CNGB3: variants seen among roughly 807,000 people sequenced by gnomAD.
CNGB3 encodes the protein cyclic nucleotide gated channel subunit beta 3.
In CNGB3, 86 loss-of-function variants were observed where a neutral mutation model predicts 92.8. The ratio of observed to expected loss-of-function variants is 0.93; its 90% CI spans 0.78 to 1.11. The LOEUF (loss-of-function observed/expected upper bound fraction) is 1.11, where lower values mean the gene tolerates loss of function less well. Among genes scored for constraint, CNGB3 ranks in the 50% least tolerant of loss-of-function variants. The pLI is 0.00. For missense variants in CNGB3, 1,026 were observed against 956.8 expected, an observed-to-expected ratio of 1.07 and a Z score of -0.95; for synonymous variants, 333 against 332.7, an observed-to-expected ratio of 1.00 and a Z score of -0.01.
In CNGB3 at chr8:86,604,854, T is replaced by C. The variant is rs149494489; in HGVS notation, c.1663-643A>G. ...GCCACTGGTTAATGGTGTTATTCTA[T>C]ATTCCTGAGCCAGTATAGCAGGATG... On this transcript the variant is annotated intron_variant, in intron 14 of 17. Coordinates refer to ENST00000320005, the MANE Select transcript of CNGB3 (RefSeq NM_019098.5). Among the ~76,000 whole-genome samples the C allele has an allele frequency of 1.1e-4, 17 of 152,336 alleles. No homozygotes were observed. The South Asian group carries it at 2.7e-3, about 24-fold the overall frequency.
At chr8:86,687,447 T>C (rs1222392392) in intron 3 of CNGB3, among the ~76,000 whole-genome samples, 1 of 152,044 alleles carries the variant, frequency 6.6e-6, no homozygotes, top group African/African-American at 2.4e-5. Context: ...AGGCCATATA[T>C]GGTATGATTT....
At chr8:86,628,281 A>G (rs1362065612) in intron 12 of CNGB3, among the ~76,000 whole-genome samples, 1 of 152,118 alleles carries the variant, frequency 6.6e-6, no homozygotes, top group Non-Finnish European at 1.5e-5. Flanking sequence ...GAGTTTTGCC[A>G]TGTTGGCCAG....
intron 10 of CNGB3, among the ~76,000 whole-genome samples, chr8:86,633,403 A>G (rs1823000780): frequency 6.6e-6 from 1 of 152,264 alleles, no homozygotes; most frequent in East Asian, 1.9e-4. Flanking sequence ...CTGAGCTGGG[A>G]AGATTGGAAC....
intron 13 of CNGB3, among the ~76,000 whole-genome samples, chr8:86,622,777 T>C (rs139279183): frequency 1.3e-5 from 2 of 152,376 alleles, no homozygotes; most frequent in Non-Finnish European, 2.9e-5. Context: ...GACGTTAATC[T>C]TGTTGGCTTT....
At chr8:86,663,821 T>C (rs917810285) in intron 6 of CNGB3, among the ~76,000 whole-genome samples, 2 of 152,254 alleles carry the variant, frequency 1.3e-5, no homozygotes, top group Non-Finnish European at 2.9e-5. Context: ...TCCTGCTCTA[T>C]ATTTGTAGCT....
chr8:86,587,979 G>C (rs1195772064), intron 15 of CNGB3, among the ~76,000 whole-genome samples: 2 of 149,146 alleles, frequency 1.3e-5, no homozygotes, highest in African/African-American at 2.5e-5. Flanking sequence ...AGCATGGAAT[G>C]TTCTTCCATT....
At chr8:86,589,399 C>T (rs1196865388) in intron 15 of CNGB3, among the ~76,000 whole-genome samples, 1 of 150,176 alleles carries the variant, frequency 6.7e-6, no homozygotes, top group Non-Finnish European at 1.5e-5. Flanking sequence ...TGTGTTTGCT[C>T]TTGCTTCTCT....
chr8:86,654,488 A>T (rs1474524749), intron 6 of CNGB3, among the ~76,000 whole-genome samples: 1 of 152,138 alleles, frequency 6.6e-6, no homozygotes, highest in Non-Finnish European at 1.5e-5. Flanking sequence ...AATGACACGT[A>T]TACTGCTTGG....
chr8:86,708,680 G>A (rs1214168168), intron 3 of CNGB3, among the ~76,000 whole-genome samples: 5 of 148,418 alleles, frequency 3.4e-5, no homozygotes, highest in African/African-American at 7.5e-5. Flanking sequence ...TGATCCTCTC[G>A]CCTCAGACCT....
intron 6 of CNGB3, among the ~76,000 whole-genome samples, chr8:86,654,298 A>G (rs1395954473): frequency 2.2e-4 from 33 of 152,058 alleles, no homozygotes; most frequent in Admixed American, 2.1e-3. Flanking sequence ...GCTTTACTCT[A>G]TATCCTTCCC....
chr8:86,709,467 GTGAACAGTTGCAATA>G (rs1262187983), intron 3 of CNGB3, among the ~76,000 whole-genome samples: 1 of 152,146 alleles, frequency 6.6e-6, no homozygotes, highest in East Asian at 1.9e-4. Context: ...AAGAGCATTG[GTGAACAGTTGCAATA>G]TGAACAGCTG....
In CNGB3 at chr8:86,600,126, G is replaced by T. The variant is rs183883062; in HGVS notation, c.1781+3967C>A. Among the ~76,000 whole-genome samples the T allele has an allele frequency of 2.6e-3, 395 of 152,288 alleles. 10 individuals carry two copies. The South Asian group carries it at 0.029, about 11-fold the overall frequency. Reference sequence around the variant, plus strand: ...AAAGAACCTACATGAAATATCGGGGGTGGATTTTGCCCGATAAACGTTCAG... The same window carrying T: ...AAAGAACCTACATGAAATATCGGGGTTGGATTTTGCCCGATAAACGTTCAG... On this transcript the variant is annotated intron_variant, in intron 15 of 17. Coordinates refer to ENST00000320005, the MANE Select transcript of CNGB3 (RefSeq NM_019098.5).
chr8:86,582,161 G>A (rs1361332445), intron 15 of CNGB3, among the ~76,000 whole-genome samples: 3 of 152,100 alleles, frequency 2.0e-5, no homozygotes, highest in Non-Finnish European at 4.4e-5. Context: ...TTGGAAGGCT[G>A]AGATGGGTGG....
intron 10 of CNGB3, among the ~76,000 whole-genome samples, chr8:86,643,306 G>T (rs923573069): frequency 2.0e-5 from 3 of 151,276 alleles, no homozygotes; most frequent in African/African-American, 7.3e-5. Flanking sequence ...GGTGTTTAGG[G>T]TGTTTATTAC....
At chr8:86,583,686 G>A (rs113954462) in intron 15 of CNGB3, among the ~76,000 whole-genome samples, 5,988 of 152,036 alleles carry the variant, frequency 0.039, 341 homozygotes, top group African/African-American at 0.13. Context: ...TTGGGAGGTT[G>A]AGGCAGGCAG....
intron 17 of CNGB3, among the ~76,000 whole-genome samples, 169 bp from the exon 18 acceptor site, chr8:86,576,299 C>T (rs1363096786): frequency 6.6e-6 from 1 of 151,906 alleles, no homozygotes; most frequent in African/African-American, 2.4e-5. Context: ...GATGAAGTTT[C>T]TGGTGTGCTA....
At chr8:86,587,145 G>A (rs1421669448) in intron 15 of CNGB3, among the ~76,000 whole-genome samples, 1 of 146,698 alleles carries the variant, frequency 6.8e-6, no homozygotes, top group Admixed American at 6.8e-5. Context: ...CTTTTGAGAA[G>A]TGTCTGTTCA....
chr8:86,733,964 C>T (rs1825203216), intron 2 of CNGB3, among the ~76,000 whole-genome samples: 1 of 152,028 alleles, frequency 6.6e-6, no homozygotes, highest in Non-Finnish European at 1.5e-5. Context: ...AACTCCTGGG[C>T]TCAAGTAATC....
chr8:86,695,755 G>A (rs1824437545), intron 3 of CNGB3, among the ~76,000 whole-genome samples: 1 of 152,090 alleles, frequency 6.6e-6, no homozygotes, highest in Non-Finnish European at 1.5e-5. Context: ...AGTATTACTA[G>A]AATTACTTTT....
Sources: allele counts gnomAD v4.1 joint callset (sites outside exome capture counted in the v4.1 genomes callset), GRCh38; gene constraint gnomAD v4.1.1; transcripts MANE v1.5; gene names NCBI Gene and HGNC (gene_info 2026-07-23, HGNC 2026-07-21).